Variants in HDLBP observed in about 807,000 individuals in gnomAD.
HDLBP encodes high density lipoprotein binding protein, also known as vigilin.
HDLBP carries 30 observed loss-of-function variants against 137.3 expected under a neutral mutation model. The ratio of observed to expected loss-of-function variants is 0.22; its 90% CI spans 0.16 to 0.30. The LOEUF is 0.30. Among genes scored for constraint, HDLBP ranks in the 10% least tolerant of loss-of-function variants. The pLI is 1.00. For missense variants in HDLBP, 1,119 were observed against 1,667.3 expected (o/e 0.67, Z 5.73); for synonymous variants, 606 against 596.0 (o/e 1.02, Z -0.24).
At chr2:241,310,855 C>T (rs772542240) in intron 1 of HDLBP, among the ~76,000 whole-genome samples, 1 of 152,184 alleles carries the variant, frequency 6.6e-6, no homozygotes, top group Non-Finnish European at 1.5e-5. Flanking sequence ...GATGCAAAGC[C>T]TTCACTCCCA....
intron 5 of HDLBP, among the ~76,000 whole-genome samples, chr2:241,260,327 G>A (rs1158926011): frequency 6.6e-6 from 1 of 152,106 alleles, no homozygotes; most frequent in Admixed American, 6.6e-5. Flanking sequence ...ATATTAATAG[G>A]TCATGACAGA....
In HDLBP at chr2:241,268,513, G is replaced by A; in HGVS notation, c.-74C>T. On this transcript the variant is annotated 5_prime_UTR_variant, in exon 2 of 28. Transcript: ENST00000310931. ...TCAGTAGCCAGAAGGTCCGTCCTGA[G>A]GCCGCCTCTGTCAGCCTGCCAGCTT... 1 of 985,848 alleles carries A rather than the reference G, an allele frequency of 1.0e-6. No homozygotes were observed. Among genetic ancestry groups the A allele is most frequent in the Non-Finnish European group, 1.2e-6 (1 of 829,920 alleles). 61.1% of individuals were successfully genotyped at this position (985,848 alleles called of 1,614,324 possible). A position where few individuals can be genotyped will look rare whatever the true frequency, so the allele number is the denominator to read the frequency against.
Position 241,246,901 on chromosome 2 carries a change from A to G in HDLBP, c.1819-18T>C. 3.1e-6 allele frequency: 5 copies of G among 1,613,962 alleles called. No individual in the cohort carries two copies. The highest frequency in any genetic ancestry group is 4.2e-6 in the Non-Finnish European group (5 of 1,179,808). On this transcript the variant is annotated intron_variant, in intron 15 of 27. Coordinates refer to ENST00000310931, the MANE Select transcript of HDLBP (RefSeq NM_005336.6). ...TCACGAATCTACAGGGAGAGAGATCACCATGAGAAGCTGACTAGAGCTCTC... is the reference window on the plus strand; with the variant it reads ...TCACGAATCTACAGGGAGAGAGATCGCCATGAGAAGCTGACTAGAGCTCTC...
At position 241,240,726 on chromosome 2, in the gene HDLBP, G is replaced by GTC. The variant is rs1432096966; in HGVS notation, c.2170-605_2170-604insGA. Among the ~76,000 whole-genome samples the GTC allele has an allele frequency of 0.044, 6,651 of 152,184 alleles. 509 individuals carry two copies. Among genetic ancestry groups the GTC allele is most frequent in the African/African-American group, 0.15 (6,259 of 41,480 alleles). ...TTAGAGACCGGTCCTCAGAGGCCTC[G>GTC]TGTAGTGCGACGCCCTTGTGTGGCA... is the stretch of plus-strand genomic sequence containing the variant. On this transcript the variant is annotated intron_variant, in intron 17 of 27. Transcript: ENST00000310931. The surrounding 1 kb of genome is among the most constrained non-coding windows in gnomAD (Gnocchi z 5.5).
At chr2:241,257,796 G>A (rs1289340149) in intron 5 of HDLBP, among the ~76,000 whole-genome samples, 1 of 152,132 alleles carries the variant, frequency 6.6e-6, no homozygotes, top group Non-Finnish European at 1.5e-5. Context: ...GCAGGGTGGA[G>A]GTGTTAACAG....
Position 241,255,394 on chromosome 2 carries a change from A to G in HDLBP, c.1060T>C (p.Leu354=), listed in dbSNP as rs1207237755. The G allele has an allele frequency of 6.2e-7, 1 of 1,614,012 alleles. No homozygotes were observed. Among genetic ancestry groups the G allele is most frequent in the Non-Finnish European group, 8.5e-7 (1 of 1,179,984 alleles). The change falls in exon 8 of 28, where the codon TTG becomes CTG. Residue 354 remains leucine (L), a synonymous_variant. Transcript: ENST00000310931. ...GTTACCTTGGCATAGACTTCAGTCA[A>G]CGCCTGACCTAACTTTTCAGGTTCG... ...RGEPEKLGQA[L]TEVYAKANSF...
chr2:241,309,959 C>A (rs1559561498), intron 1 of HDLBP, among the ~76,000 whole-genome samples: 1 of 152,214 alleles, frequency 6.6e-6, no homozygotes, highest in Admixed American at 6.5e-5. Context: ...GCAGTGAAAG[C>A]CACAGTCAGC....
intron 9 of HDLBP, 65 bp downstream of exon 9, chr2:241,254,986 T>C (rs528888508): frequency 5.6e-6 from 7 of 1,248,492 alleles, no homozygotes. Flanking sequence ...AACAAAGCAA[T>C]ATCAGAAACA....
intron 6 of HDLBP, 87 bp from the exon 7 acceptor site, chr2:241,256,486 C>T: frequency 6.7e-7 from 1 of 1,494,450 alleles, no homozygotes. Context: ...GAGTCAAGCC[C>T]TCCACCCCCA....
chr2:241,276,390 T>C (rs2074387342), intron 1 of HDLBP, among the ~76,000 whole-genome samples: 1 of 152,058 alleles, frequency 6.6e-6, no homozygotes. Context: ...ACTGTATTAA[T>C]AATTGTTAAA....
chr2:241,273,001 G>C, intron 1 of HDLBP: 1 of 984,944 alleles, frequency 1.0e-6, no homozygotes, highest in Non-Finnish European at 1.2e-6. Flanking sequence ...TTTCGGGTGG[G>C]GAAGGCGGTG....
chr2:241,230,333 G>C lies in HDLBP; in HGVS notation c.3475-64C>G. The C allele has an allele frequency of 2.0e-6, 2 of 1,008,054 alleles. No individual in the cohort carries two copies. The highest frequency in any genetic ancestry group is 3.0e-6 in the Non-Finnish European group (2 of 671,960). 62.4% of individuals were successfully genotyped at this position (1,008,054 alleles called of 1,614,324 possible). A position where few individuals can be genotyped will look rare whatever the true frequency, so the allele number is the denominator to read the frequency against. On this transcript the variant is annotated intron_variant, in intron 25 of 27. Coordinates refer to ENST00000310931, the MANE Select transcript of HDLBP (RefSeq NM_005336.6). This position sits in a 1 kb window ranked among gnomAD's most constrained non-coding sequence, Gnocchi z 5.0. ...GCGAGGAAAAGGGTTAAAATTATGT[G>C]TCAATTTCTAGTGAAGCATTTTCTG...
At chr2:241,299,289 G>C (rs1380492622) in intron 1 of HDLBP, among the ~76,000 whole-genome samples, 1 of 151,924 alleles carries the variant, frequency 6.6e-6, no homozygotes, top group Non-Finnish European at 1.5e-5. Flanking sequence ...GGGAGGCCGA[G>C]GCAGGTGGAT....
At position 241,233,537 on chromosome 2, in the gene HDLBP, G is replaced by A. The variant is rs530312335; in HGVS notation, c.3288+283C>T. On this transcript the variant is annotated intron_variant, in intron 24 of 27. Transcript: ENST00000310931. The surrounding 1 kb of genome is among the most constrained non-coding windows in gnomAD (Gnocchi z 4.3). Reference sequence around the variant, plus strand: ...AGGTGAATGAGCTACACCTGGAGGCGCCACTGATCAAGGACCCAGCTGGAG... The same window carrying A: ...AGGTGAATGAGCTACACCTGGAGGCACCACTGATCAAGGACCCAGCTGGAG... 1.1e-4 allele frequency among the ~76,000 whole-genome samples: 17 copies of A among 152,096 alleles called. No individual in the cohort carries two copies. Among genetic ancestry groups the A allele is most frequent in the South Asian group, 4.1e-4 (2 of 4,822 alleles).
Position 241,268,546 on chromosome 2 carries a change from T to G in HDLBP, c.-102-5A>C, listed in dbSNP as rs1428834276. On this transcript the variant is annotated splice_polypyrimidine_tract_variant and splice_region_variant and intron_variant, in intron 1 of 27. Transcript: ENST00000310931. ...CTGTCAGCCTGCCAGCTTTTGCTGG[T>G]ATGGGATGGGAAGTGGGAGAGGAGA... 1 of 975,174 alleles carries G rather than the reference T, an allele frequency of 1.0e-6. No individual in the cohort carries two copies. Among genetic ancestry groups the G allele is most frequent in the Non-Finnish European group, 1.2e-6 (1 of 820,306 alleles). The allele number at this position is 975,174 out of a possible 1,614,324, so 60.4% of individuals were successfully genotyped here. A position where few individuals can be genotyped will look rare whatever the true frequency, so the allele number is the denominator to read the frequency against.
At chr2:241,255,648 A>T in intron 7 of HDLBP, 68 bp from the exon 8 acceptor site, 1 of 1,264,650 alleles carries the variant, frequency 7.9e-7, no homozygotes, top group Non-Finnish European at 1.2e-6. Flanking sequence ...GGGCATGGCC[A>T]CTGCTGCAGA....
intron 1 of HDLBP, among the ~76,000 whole-genome samples, chr2:241,305,067 T>C (rs1017383582): frequency 5.9e-5 from 9 of 152,220 alleles, no homozygotes; most frequent in Admixed American, 2.0e-4. Context: ...ACCAGCACTG[T>C]AAGGCAACAC....
Position 241,267,811 on chromosome 2 carries a change from T to A in HDLBP, c.-38+666A>T, listed in dbSNP as rs1243212374. ...TCCACACTGACTGGTTATTCTCCCA[T>A]CCCTCCAGGTGTGGGACAGAACTCG... is the stretch of plus-strand genomic sequence containing the variant. On this transcript the variant is annotated intron_variant, in intron 2 of 27. Coordinates refer to ENST00000310931, the MANE Select transcript of HDLBP (RefSeq NM_005336.6). The A allele has an allele frequency of 8.2e-6, 12 of 1,471,614 alleles. No individual in the cohort carries two copies. In the Admixed American group the frequency reaches 2.4e-4, roughly 29 times the overall value. The allele number at this position is 1,471,614 out of a possible 1,614,324, so 91.2% of individuals were successfully genotyped here.
In HDLBP at chr2:241,272,671, C is replaced by T. The variant is rs2074189492; in HGVS notation, c.-102-4130G>A. On this transcript the variant is annotated intron_variant, in intron 1 of 27. Coordinates refer to ENST00000310931, the MANE Select transcript of HDLBP (RefSeq NM_005336.6). The surrounding 1 kb of genome is among the most constrained non-coding windows in gnomAD (Gnocchi z 5.6). ...CCCTCCCCCTCCGCGGCCTCCACGT[C>T]AGCAGCCACCCCCCACCCCCCCGCC... is the stretch of plus-strand genomic sequence containing the variant. 4.8e-6 allele frequency: 4 copies of T among 841,776 alleles called. No individual in the cohort carries two copies. Among genetic ancestry groups the T allele is most frequent in the Non-Finnish European group, 5.7e-6 (4 of 704,154 alleles). The allele number at this position is 841,776 out of a possible 1,614,324, so 52.1% of individuals were successfully genotyped here.
Sources: gnomAD v4.1 joint callset for allele counts (sites outside exome capture counted in the v4.1 genomes callset) on GRCh38, gnomAD v4.1.1 for gene constraint, Gnocchi (gnomAD v3.1) non-coding constraint, MANE v1.5 for transcripts, NCBI Gene and HGNC (gene_info 2026-07-23, HGNC 2026-07-21) for gene names.